The following MCTP1 variants were observed in gnomAD, a reference collection of about 807,000 sequenced individuals.
MCTP1 encodes the protein multiple C2 and transmembrane domain containing 1.
Under a neutral mutation model 120.6 loss-of-function variants are expected in MCTP1, and 69 were observed. That is an observed-to-expected ratio of 0.57 (90% CI 0.47 to 0.70). The LOEUF is 0.70. Among genes scored for constraint, MCTP1 ranks in the 30% least tolerant of loss-of-function variants. The pLI, the probability that MCTP1 is intolerant of heterozygous loss-of-function variation, is 0.00. For missense variants in MCTP1, 1,203 were observed against 1,248.8 expected, an observed-to-expected ratio of 0.96 and a Z score of 0.55; for synonymous variants, 529 against 493.1, an observed-to-expected ratio of 1.07 and a Z score of -0.96.
chr5:95,071,696 A>C (rs1434087985), intron 1 of MCTP1, among the ~76,000 whole-genome samples: 1 of 152,174 alleles, frequency 6.6e-6, no homozygotes, highest in Non-Finnish European at 1.5e-5. Context: ...TAACCAGTGT[A>C]TTGCATGTAA....
chr5:94,769,099 G>A (rs1313582284), intron 19 of MCTP1, among the ~76,000 whole-genome samples: 1 of 151,994 alleles, frequency 6.6e-6, no homozygotes, highest in Admixed American at 6.6e-5. Context: ...ATGTGGGTGG[G>A]ACTTGAGGTC....
intron 17 of MCTP1, among the ~76,000 whole-genome samples, chr5:94,856,709 C>T (rs1168705815): frequency 6.6e-6 from 1 of 151,616 alleles, no homozygotes; most frequent in African/African-American, 2.4e-5. Context: ...CTCTTATTTT[C>T]TAGGGAAACA....
intron 17 of MCTP1, among the ~76,000 whole-genome samples, chr5:94,866,527 T>A (rs1205263492): frequency 6.8e-6 from 1 of 146,604 alleles, no homozygotes; most frequent in Non-Finnish European, 1.5e-5. Flanking sequence ...CTTCCCACCT[T>A]TACTATGCCT....
intron 1 of MCTP1, among the ~76,000 whole-genome samples, chr5:95,023,497 T>C (rs1421771811): frequency 1.3e-5 from 2 of 152,190 alleles, no homozygotes; most frequent in Non-Finnish European, 2.9e-5. Context: ...GCTGCGCTCC[T>C]GGGAGGATGG....
At chr5:95,144,491 T>A (rs550233363) in intron 1 of MCTP1, among the ~76,000 whole-genome samples, 50 of 152,080 alleles carry the variant, frequency 3.3e-4, no homozygotes, top group Admixed American at 7.2e-4. Flanking sequence ...AAGCCAGTGT[T>A]AAGAAGAGTA....
chr5:95,234,585 T>C (rs1337847070), intron 1 of MCTP1, among the ~76,000 whole-genome samples: 2 of 152,184 alleles, frequency 1.3e-5, no homozygotes, highest in Non-Finnish European at 2.9e-5. Flanking sequence ...TAATAGTCTA[T>C]TCCTACTCCT....
At chr5:94,840,569 AT>A (rs545137593) in intron 17 of MCTP1, among the ~76,000 whole-genome samples, 10 of 150,948 alleles carry the variant, frequency 6.6e-5, no homozygotes, top group East Asian at 3.9e-4. Flanking sequence ...ATATAACACC[AT>A]TTTTTTTTCT....
At chr5:95,134,406 G>T (rs79394049) in intron 1 of MCTP1, among the ~76,000 whole-genome samples, 2 of 152,306 alleles carry the variant, frequency 1.3e-5, no homozygotes, top group Non-Finnish European at 2.9e-5. Flanking sequence ...AACCATTCCA[G>T]CTTAGTGGTT....
chr5:94,872,961 C>G (rs987339715), intron 13 of MCTP1, among the ~76,000 whole-genome samples, 178 bp downstream of exon 13: 5 of 152,056 alleles, frequency 3.3e-5, no homozygotes, highest in African/African-American at 4.8e-5. Context: ...TACCCTTTCC[C>G]CCAGGTTTCA....
At chr5:95,071,118 C>G (rs1007858049) in intron 1 of MCTP1, among the ~76,000 whole-genome samples, 1 of 152,182 alleles carries the variant, frequency 6.6e-6, no homozygotes, top group Non-Finnish European at 1.5e-5. Flanking sequence ...AGCAGCAATT[C>G]ACATACAGAG....
At chr5:94,750,333 TG>T (rs1767998260) in intron 19 of MCTP1, among the ~76,000 whole-genome samples, 1 of 152,214 alleles carries the variant, frequency 6.6e-6, no homozygotes, top group Admixed American at 6.5e-5. Context: ...ATTACATATC[TG>T]GGGGGCAAAT....
At chr5:95,149,537 T>C (rs1296188994) in intron 1 of MCTP1, among the ~76,000 whole-genome samples, 1 of 151,622 alleles carries the variant, frequency 6.6e-6, no homozygotes, top group African/African-American at 2.4e-5. Flanking sequence ...CTGGGTGGAG[T>C]CTGCCATATG....
At chr5:95,212,077 A>G (rs1459935832) in intron 1 of MCTP1, among the ~76,000 whole-genome samples, 1 of 152,154 alleles carries the variant, frequency 6.6e-6, no homozygotes, top group Non-Finnish European at 1.5e-5. Context: ...TGAATCCAGG[A>G]GTTGGTTTTT....
At chr5:95,048,989 G>T (rs1745235746) in intron 1 of MCTP1, among the ~76,000 whole-genome samples, 1 of 152,120 alleles carries the variant, frequency 6.6e-6, no homozygotes, top group African/African-American at 2.4e-5. Flanking sequence ...AAGCTTTTGT[G>T]TATATTGAGA....
chr5:95,123,662 T>C (rs1040215843), intron 1 of MCTP1, among the ~76,000 whole-genome samples: 2 of 151,982 alleles, frequency 1.3e-5, no homozygotes, highest in Non-Finnish European at 2.9e-5. Flanking sequence ...TTTTTTTTTT[T>C]TTTTTGAGAT....
chr5:94,975,052 GC>G (rs1423722105), intron 2 of MCTP1, among the ~76,000 whole-genome samples: 1 of 151,886 alleles, frequency 6.6e-6, no homozygotes, highest in Non-Finnish European at 1.5e-5. Flanking sequence ...TTATTCCCTT[GC>G]TTTTAATTCT....
At chr5:95,195,012 T>C (rs1562226409) in intron 1 of MCTP1, among the ~76,000 whole-genome samples, 1 of 152,172 alleles carries the variant, frequency 6.6e-6, no homozygotes, top group Non-Finnish European at 1.5e-5. Context: ...TTGGTTAATT[T>C]GGCACCACCA....
rs186938548 is a variant in MCTP1 at position 94,997,895 on chromosome 5, A to T, written c.838+19472T>A. The stretch of plus-strand genomic sequence containing the variant: ...TTTAATCTAAAATTTATCATTTATC[A>T]TTATTTCATATACATGTATGTATAT... On this transcript the variant is annotated intron_variant, in intron 2 of 22. Coordinates refer to ENST00000515393, the MANE Select transcript of MCTP1 (RefSeq NM_024717.7). Among the ~76,000 whole-genome samples the T allele has an allele frequency of 3.9e-5, 6 of 152,280 alleles. No individual in the cohort carries two copies. In the East Asian group the frequency reaches 5.8e-4, roughly 15 times the overall value.
At position 94,768,548 on chromosome 5, in the gene MCTP1, A is replaced by T. The variant is rs957809775; in HGVS notation, c.2610+10562T>A. Among the ~76,000 whole-genome samples the T allele has an allele frequency of 3.0e-4, 46 of 152,288 alleles. 1 individual carries two copies. Among genetic ancestry groups the T allele is most frequent in the African/African-American group, 1.1e-3 (45 of 41,564 alleles). On this transcript the variant is annotated intron_variant, in intron 19 of 22. Transcript: ENST00000515393. ...TCAAACAACTCAACTAAAAAAACCC[A>T]AATAATCCAATTAAAAAGTGGGCTA...
Sources: gnomAD v4.1 joint callset for allele counts (sites outside exome capture counted in the v4.1 genomes callset) on GRCh38, gnomAD v4.1.1 for gene constraint, MANE v1.5 for transcripts, NCBI Gene and HGNC (gene_info 2026-07-23, HGNC 2026-07-21) for gene names.